The following INTS2 variants were observed in gnomAD, a reference collection of about 807,000 sequenced individuals.
INTS2 encodes the protein KIAA1287.
A neutral mutation model predicts 139.6 loss-of-function variants in INTS2; 57 were observed. That is an observed-to-expected ratio of 0.41 (90% CI 0.33 to 0.51). The LOEUF (loss-of-function observed/expected upper bound fraction) is 0.51. Ranked by LOEUF, INTS2 falls within the 20% of genes least tolerant of loss-of-function variation. INTS2 has a pLI of 0.28. For synonymous variants in INTS2, 473 were observed against 493.4 expected (o/e 0.96, Z 0.55); for missense variants, 1,196 against 1,436.7 (o/e 0.83, Z 2.71).
intron 8 of INTS2, among the ~76,000 whole-genome samples, 172 bp from the exon 9 acceptor site, chr17:61,904,757 C>T (rs1026806982): frequency 6.6e-6 from 1 of 152,148 alleles, no homozygotes; most frequent in Non-Finnish European, 1.5e-5. Context: ...ATTACAACTA[C>T]AGTGTTTTAC....
chr17:61,906,638 G>A (rs776705218), intron 8 of INTS2, among the ~76,000 whole-genome samples: 1 of 152,042 alleles, frequency 6.6e-6, no homozygotes, highest in Non-Finnish European at 1.5e-5. Flanking sequence ...AATGAGGACT[G>A]TATGTACAAT....
chr17:61,907,578 C>T lies in INTS2; in HGVS notation c.1011G>A (p.Leu337=). The change falls in exon 8 of 25, where the codon CTG becomes CTA. Residue 337 remains leucine, a synonymous_variant. Coordinates refer to ENST00000251334, the MANE Select transcript of INTS2 (RefSeq NM_001351695.2). ...CTGTGGGAAGAATGCCCATCAACTC[C>T]AGAAGAAGCTGCCTTCTCATCTGCC... ...VLWQMRRQLL[L]ELMGILPTVR... 1 of 1,593,170 alleles carries T rather than the reference C, an allele frequency of 6.3e-7. No individual in the cohort carries two copies. Among genetic ancestry groups the T allele is most frequent in the Non-Finnish European group, 8.6e-7 (1 of 1,169,178 alleles).
rs1427832711 is a variant in INTS2, at chr17:61,873,599, T to C, written c.2583-1139A>G. 1.3e-5 allele frequency among the ~76,000 whole-genome samples: 2 copies of C among 152,212 alleles called. No individual in the cohort carries two copies. Among genetic ancestry groups the C allele is most frequent in the Non-Finnish European group, 2.9e-5 (2 of 68,022 alleles). On this transcript the variant is annotated intron_variant, in intron 19 of 24. Coordinates refer to ENST00000251334, the MANE Select transcript of INTS2 (RefSeq NM_001351695.2). The surrounding 1 kb of genome is among the most constrained non-coding windows in gnomAD (Gnocchi z 4.0). Reference sequence around the variant, plus strand: ...TCTTTTCTAGAAGTGTTATTTATTGTGGTTTCCTTTTATTAGATACTTAAC... The same window carrying C: ...TCTTTTCTAGAAGTGTTATTTATTGCGGTTTCCTTTTATTAGATACTTAAC...
chr17:61,894,445 T>C (rs1353347322), intron 12 of INTS2, among the ~76,000 whole-genome samples: 1 of 152,238 alleles, frequency 6.6e-6, no homozygotes, highest in Non-Finnish European at 1.5e-5. Context: ...AAATAACTTA[T>C]GATTCTCCCA....
intron 11 of INTS2, among the ~76,000 whole-genome samples, chr17:61,896,659 C>T (rs1022921893): frequency 6.6e-6 from 1 of 152,020 alleles, no homozygotes; most frequent in African/African-American, 2.4e-5. Flanking sequence ...AGCCAAAACA[C>T]ATAAATTTTA....
In INTS2 at chr17:61,893,629, A is replaced by G. The variant is rs754657753; in HGVS notation, c.1698+136T>C. 1 of 475,086 alleles carries G rather than the reference A, an allele frequency of 2.1e-6. No homozygotes were observed. The highest frequency in any genetic ancestry group is 4.0e-5 in the East Asian group (1 of 24,824). The allele number at this position is 475,086 out of a possible 1,614,324, so 29.4% of individuals were successfully genotyped here. A position where few individuals can be genotyped will look rare whatever the true frequency, so the allele number is the denominator to read the frequency against. On this transcript the variant is annotated intron_variant, in intron 13 of 24. Transcript: ENST00000251334. This position sits in a 1 kb window ranked among gnomAD's most constrained non-coding sequence, Gnocchi z 5.4. ...AGAATCACTTTAACCCAGGAGGCAG[A>G]GGTTACAGTGAGCCAAGACTGCACC...
intron 5 of INTS2, 51 bp from the exon 6 acceptor site, chr17:61,912,121 A>C: frequency 6.3e-7 from 1 of 1,576,018 alleles, no homozygotes. Context: ...ATTGTTCATG[A>C]AGATTTCACA....
chr17:61,878,030 A>G lies in INTS2; in HGVS notation c.2313T>C (p.Thr771=). The change falls in exon 18 of 25, where the codon ACT becomes ACC. Residue 771 remains threonine (T), a synonymous_variant. Coordinates refer to ENST00000251334, the MANE Select transcript of INTS2 (RefSeq NM_001351695.2). ...GTATAAGTTCACTGGCAGAGAGTAG[A>G]GTCAAGTGTTCTATAATCTGCATCA... ...TQVMQIIEHL[T]LLSASELIPY... The G allele has an allele frequency of 6.2e-7, 1 of 1,613,000 alleles. No homozygotes were observed. Among genetic ancestry groups the G allele is most frequent in the Non-Finnish European group, 8.5e-7 (1 of 1,178,980 alleles).
Position 61,907,436 on chromosome 17 carries a change from A to T in INTS2, c.1153T>A (p.Cys385Ser). The T allele has an allele frequency of 3.1e-6, 5 of 1,595,378 alleles. No individual in the cohort carries two copies. Among genetic ancestry groups the T allele is most frequent in the Non-Finnish European group, 4.3e-6 (5 of 1,170,886 alleles). Residue 385 changes from cysteine to serine, a missense_variant, in exon 8 of 25, where the codon TGT becomes AGT. By Grantham distance (112) the Cys-to-Ser change is moderately radical (BLOSUM62 -1). This residue lies in a region of INTS2 where 1,129 missense variants were observed against 1,341.9 expected (regional missense o/e 0.84). Coordinates refer to ENST00000251334, the MANE Select transcript of INTS2 (RefSeq NM_001351695.2). Reference sequence around the variant, plus strand: ...AGTCCAGCGATCCCCATCAAAGCACAGTACAGACGTAAGAGTGCACTGGCT... The same window carrying T: ...AGTCCAGCGATCCCCATCAAAGCACTGTACAGACGTAAGAGTGCACTGGCT... ...VKASALLRLY[C>S]ALMGIAGLKP...
chr17:61,894,415 G>C (rs1567902097), intron 12 of INTS2, among the ~76,000 whole-genome samples: 2 of 152,072 alleles, frequency 1.3e-5, no homozygotes, highest in Non-Finnish European at 2.9e-5. Context: ...TCTTCCAATT[G>C]GTTCAAATTT....
At chr17:61,917,268 A>G (rs1193776093) in intron 5 of INTS2, among the ~76,000 whole-genome samples, 1 of 152,222 alleles carries the variant, frequency 6.6e-6, no homozygotes, top group African/African-American at 2.4e-5. Context: ...CATTCGACCC[A>G]GCAGTCTCAC....
At chr17:61,914,564 G>C (rs113477134) in intron 5 of INTS2, among the ~76,000 whole-genome samples, 33 of 152,068 alleles carry the variant, frequency 2.2e-4, no homozygotes, top group African/African-American at 7.2e-4. Context: ...GCCGGGCGTG[G>C]TGGTGGCGGG....
chr17:61,926,793 C>A, intron 1 of INTS2, 131 bp from the exon 2 acceptor site: 1 of 730,896 alleles, frequency 1.4e-6, no homozygotes. Flanking sequence ...CTGGCACAAT[C>A]AAGACAAGGC....
rs201704014 is a variant in INTS2, at chr17:61,889,303, TC to T, written c.1984+482del. Among the ~76,000 whole-genome samples, 839 of 152,156 alleles carry T rather than the reference TC, an allele frequency of 5.5e-3. 7 individuals are homozygous for T. Among genetic ancestry groups the T allele is most frequent in the African/African-American group, 0.019 (805 of 41,534 alleles). On this transcript the variant is annotated intron_variant, in intron 15 of 24. Coordinates refer to ENST00000251334, the MANE Select transcript of INTS2 (RefSeq NM_001351695.2). ...GGTTTCGCCATGTTGACCAGGCTGG[TC>T]TCGAACTCCTGACCTCAGGTGATCC...
rs561665201 is a variant in INTS2, at chr17:61,918,923, G to GTT, written c.649+475_649+476dup. On this transcript the variant is annotated intron_variant, in intron 5 of 24. Coordinates refer to ENST00000251334, the MANE Select transcript of INTS2 (RefSeq NM_001351695.2). ...ATATTACATCTTCTAGTTCCTTGGG[G>GTT]TTTTTTTTTTTTTTTTTTTGAGACG... Among the ~76,000 whole-genome samples, 98 of 130,984 alleles carry GTT rather than the reference G, an allele frequency of 7.5e-4. 1 individual carries two copies. The highest frequency in any genetic ancestry group is 8.7e-4 in the Non-Finnish European group (54 of 61,860). The allele number at this position is 130,984 out of a possible 152,430, so 85.9% of individuals were successfully genotyped here.
rs2079285350 is a variant in INTS2 at position 61,890,913 on chromosome 17, A to G, written c.1875+600T>C. 6.4e-5 allele frequency among the ~76,000 whole-genome samples: 9 copies of G among 140,938 alleles called. No individual in the cohort carries two copies. The South Asian group carries it at 2.1e-3, about 33-fold the overall frequency. 92.5% of individuals were successfully genotyped at this position (140,938 alleles called of 152,430 possible). A position where few individuals can be genotyped will look rare whatever the true frequency, so the allele number is the denominator to read the frequency against. The stretch of plus-strand genomic sequence containing the variant: ...GCAGGAGAATCGCTTGAACCCAGGA[A>G]GCGGAGGTTGTAGTGAGCCGAGACT... On this transcript the variant is annotated intron_variant, in intron 14 of 24. Transcript: ENST00000251334.
intron 8 of INTS2, among the ~76,000 whole-genome samples, chr17:61,905,217 A>G (rs933713956): frequency 2.6e-5 from 4 of 152,118 alleles, no homozygotes; most frequent in African/African-American, 9.7e-5. Flanking sequence ...CTGGGATTAC[A>G]GGTGTAAGTC....
In INTS2 at chr17:61,867,898, T is replaced by C. The variant is rs200810851; in HGVS notation, c.3356A>G (p.Gln1119Arg). The C allele has an allele frequency of 4.6e-5, 74 of 1,612,084 alleles. 1 individual carries two copies. Among genetic ancestry groups the C allele is most frequent in the Non-Finnish European group, 5.9e-5 (70 of 1,179,350 alleles). Residue 1119 changes from glutamine (Q) to arginine (R), a missense_variant, in exon 24 of 25, where the codon CAA becomes CGA. Coordinates refer to ENST00000251334, the MANE Select transcript of INTS2 (RefSeq NM_001351695.2). The surrounding 1 kb of genome is among the most constrained non-coding windows in gnomAD (Gnocchi z 5.6). ...LYEDIMSLLI[Q>R]IGQVCASDVA... ...ATCAGAGGCACAAACTTGCCCTATTTGGATCAGCAAAGACATAATATCCTC... is the reference window on the plus strand; with the variant it reads ...ATCAGAGGCACAAACTTGCCCTATTCGGATCAGCAAAGACATAATATCCTC...
intron 8 of INTS2, among the ~76,000 whole-genome samples, chr17:61,905,230 T>C (rs1336948273): frequency 2.0e-5 from 3 of 152,138 alleles, no homozygotes; most frequent in Non-Finnish European, 4.4e-5. Context: ...TGTAAGTCAC[T>C]GTACCCAGCC....
Sources: gnomAD v4.1 joint callset for allele counts (sites outside exome capture counted in the v4.1 genomes callset) on GRCh38, gnomAD v4.1.1 for gene constraint, gnomAD v4.1.1 regional missense constraint, Gnocchi (gnomAD v3.1) non-coding constraint, MANE v1.5 for transcripts, NCBI Gene and HGNC (gene_info 2026-07-23, HGNC 2026-07-21) for gene names.